Variants in LRFN5 observed in about 807,000 individuals in gnomAD.
LRFN5 encodes the protein leucine-rich repeat and fibronectin type-III domain-containing protein 5.
A neutral mutation model predicts 45.6 loss-of-function variants in LRFN5; 24 were observed. That is an observed-to-expected ratio of 0.53 (90% CI 0.38 to 0.74). The LOEUF (loss-of-function observed/expected upper bound fraction) is 0.74. Ranked by LOEUF, LRFN5 falls within the 30% of genes least tolerant of loss-of-function variation. LRFN5 has a pLI of 0.00. For missense variants in LRFN5, 776 were observed against 861.5 expected, an observed-to-expected ratio of 0.90 and a Z score of 1.24; for synonymous variants, 340 against 313.8, an observed-to-expected ratio of 1.08 and a Z score of -0.88.
intron 1 of LRFN5, among the ~76,000 whole-genome samples, chr14:41,623,941 C>T (rs1888229406): frequency 6.6e-6 from 1 of 152,042 alleles, no homozygotes; most frequent in Admixed American, 6.6e-5. Flanking sequence ...TGCTGACAGC[C>T]TGTGAAGAAA....
At chr14:41,746,592 T>C (rs983194343) in intron 1 of LRFN5, among the ~76,000 whole-genome samples, 2 of 152,038 alleles carry the variant, frequency 1.3e-5, no homozygotes, top group African/African-American at 4.8e-5. Context: ...CCTTTTCCTA[T>C]ACCTCTTTGC....
intron 1 of LRFN5, among the ~76,000 whole-genome samples, chr14:41,694,634 G>A (rs886644395): frequency 6.6e-6 from 1 of 151,804 alleles, no homozygotes; most frequent in African/African-American, 2.4e-5. Context: ...TTGAAGGTTT[G>A]TGGCAACTCT....
intron 3 of LRFN5, among the ~76,000 whole-genome samples, chr14:41,888,531 G>T (rs1295867159): frequency 2.6e-5 from 4 of 152,114 alleles, no homozygotes; most frequent in Admixed American, 2.6e-4. Context: ...CAAGTCTTGT[G>T]AATAAGGTGG....
intron 1 of LRFN5, among the ~76,000 whole-genome samples, chr14:41,688,227 A>G (rs950954411): frequency 6.6e-6 from 1 of 152,170 alleles, no homozygotes; most frequent in African/African-American, 2.4e-5. Flanking sequence ...ATAATTAGAT[A>G]GAATAAGATC....
At chr14:41,777,804 G>A (rs1206580215) in intron 2 of LRFN5, among the ~76,000 whole-genome samples, 1 of 151,680 alleles carries the variant, frequency 6.6e-6, no homozygotes, top group Non-Finnish European at 1.5e-5. Context: ...AAGCACAATT[G>A]TCCCTTTTAT....
intron 1 of LRFN5, among the ~76,000 whole-genome samples, chr14:41,659,936 C>T (rs182830221): frequency 1.1e-4 from 15 of 136,258 alleles, no homozygotes; most frequent in African/African-American, 3.5e-4. Context: ...TTTGTAGGTT[C>T]TGGATATTAG....
At chr14:41,744,400 T>C (rs1884832895) in intron 1 of LRFN5, among the ~76,000 whole-genome samples, 1 of 151,804 alleles carries the variant, frequency 6.6e-6, no homozygotes. Context: ...AGAAATAAAT[T>C]TAACCATTTC....
At chr14:41,868,964 T>C (rs1035871686) in intron 2 of LRFN5, among the ~76,000 whole-genome samples, 2 of 152,170 alleles carry the variant, frequency 1.3e-5, no homozygotes, top group African/African-American at 2.4e-5. Flanking sequence ...TTTACGCTAA[T>C]CACTTAATTT....
At chr14:41,780,178 A>G (rs1212150388) in intron 2 of LRFN5, among the ~76,000 whole-genome samples, 2 of 151,948 alleles carry the variant, frequency 1.3e-5, no homozygotes, top group Non-Finnish European at 2.9e-5. Flanking sequence ...AGCCTTTGAC[A>G]TGTGGATTAT....
intron 1 of LRFN5, among the ~76,000 whole-genome samples, chr14:41,711,211 C>T (rs945678727): frequency 2.6e-5 from 4 of 152,068 alleles, no homozygotes; most frequent in South Asian, 2.1e-4. Context: ...CATACGCACA[C>T]GCATGCACAC....
At chr14:41,809,380 CTT>C (rs1029516918) in intron 2 of LRFN5, among the ~76,000 whole-genome samples, 21 of 151,812 alleles carry the variant, frequency 1.4e-4, no homozygotes, top group Middle Eastern at 6.8e-3. Context: ...TTACTAAACT[CTT>C]TTATTTTTTT....
intron 1 of LRFN5, among the ~76,000 whole-genome samples, chr14:41,644,077 G>A (rs1879704184): frequency 6.6e-6 from 1 of 152,184 alleles, no homozygotes; most frequent in African/African-American, 2.4e-5. Flanking sequence ...CTTGTTTGAA[G>A]TCATGGTTGA....
At chr14:41,704,125 A>G (rs1882949818) in intron 1 of LRFN5, among the ~76,000 whole-genome samples, 2 of 152,200 alleles carry the variant, frequency 1.3e-5, no homozygotes, top group Admixed American at 1.3e-4. Context: ...AACAGTGGCC[A>G]AAACAGACCT....
intron 2 of LRFN5, among the ~76,000 whole-genome samples, chr14:41,781,310 C>T (rs1335268155): frequency 2.6e-5 from 4 of 151,830 alleles, no homozygotes; most frequent in Admixed American, 6.6e-5. Context: ...TTGCTTGAGG[C>T]CAGGAGTTCA....
At chr14:41,704,438 C>CTGTGTGTGTGTGTG (rs199862342) in intron 1 of LRFN5, among the ~76,000 whole-genome samples, 5,666 of 111,306 alleles carry the variant, frequency 0.051, 246 homozygotes, top group African/African-American at 0.081. Flanking sequence ...CTCTCTCTCT[C>CTGTGTGTGTGTGTG]TCTCTCTCTC....
intron 2 of LRFN5, among the ~76,000 whole-genome samples, chr14:41,779,368 A>G (rs1202068677): frequency 6.6e-6 from 1 of 151,778 alleles, no homozygotes; most frequent in Non-Finnish European, 1.5e-5. Context: ...TTGTTTGTTC[A>G]ATTTGTTAAT....
chr14:41,658,929 A>T (rs941461723), intron 1 of LRFN5, among the ~76,000 whole-genome samples: 1 of 151,552 alleles, frequency 6.6e-6, no homozygotes, highest in Non-Finnish European at 1.5e-5. Flanking sequence ...TCATTATCTC[A>T]TTCCTTAATT....
intron 2 of LRFN5, among the ~76,000 whole-genome samples, chr14:41,830,797 C>T (rs1346458043): frequency 2.0e-5 from 3 of 152,120 alleles, no homozygotes; most frequent in African/African-American, 7.2e-5. Flanking sequence ...GCCTGTTGGT[C>T]AGCAGTGTCA....
chr14:41,796,407 A>T (rs536303685), intron 2 of LRFN5, among the ~76,000 whole-genome samples: 1 of 152,074 alleles, frequency 6.6e-6, no homozygotes, highest in South Asian at 2.1e-4. Flanking sequence ...ATAAGTTGAA[A>T]TTATATTTTA....
Sources: gnomAD v4.1 joint callset for allele counts (sites outside exome capture counted in the v4.1 genomes callset) on GRCh38, gnomAD v4.1.1 for gene constraint, MANE v1.5 for transcripts, NCBI Gene and HGNC (gene_info 2026-07-23, HGNC 2026-07-21) for gene names.